The following RUNDC3B variants were observed in gnomAD, a reference collection of about 807,000 sequenced individuals.
RUNDC3B encodes the protein RUN domain-containing protein 3B.
RUNDC3B carries 33 observed loss-of-function variants against 58.4 expected under a neutral mutation model. That is an observed-to-expected ratio of 0.56 (90% CI 0.43 to 0.75). RUNDC3B has a LOEUF of 0.75. Ranked by LOEUF, RUNDC3B falls within the 30% of genes least tolerant of loss-of-function variation. RUNDC3B has a pLI of 0.00. For synonymous variants in RUNDC3B, 193 were observed against 195.2 expected, an observed-to-expected ratio of 0.99 and a Z score of 0.10; for missense variants, 501 against 535.7, an observed-to-expected ratio of 0.94 and a Z score of 0.64.
At chr7:87,791,504 A>C (rs191274224) in intron 8 of RUNDC3B, among the ~76,000 whole-genome samples, 1 of 152,310 alleles carries the variant, frequency 6.6e-6, no homozygotes, top group African/African-American at 2.4e-5. Context: ...ATAAAAAATA[A>C]CTACAAGAAT....
intron 4 of RUNDC3B, among the ~76,000 whole-genome samples, chr7:87,733,411 T>C (rs1471163316): frequency 6.6e-6 from 1 of 152,060 alleles, no homozygotes; most frequent in African/African-American, 2.4e-5. Flanking sequence ...TTTCAAGGGG[T>C]CTCCCTGCAA....
intron 2 of RUNDC3B, among the ~76,000 whole-genome samples, chr7:87,665,106 A>G (rs923051859): frequency 3.3e-5 from 5 of 152,150 alleles, no homozygotes; most frequent in African/African-American, 4.8e-5. Flanking sequence ...TAGAGCAATT[A>G]TGCAAGAAAA....
intron 8 of RUNDC3B, among the ~76,000 whole-genome samples, chr7:87,787,822 A>G (rs1835303110): frequency 6.6e-6 from 1 of 152,216 alleles, no homozygotes; most frequent in Non-Finnish European, 1.5e-5. Context: ...CTCCTTTATA[A>G]ATTCACTCAG....
At chr7:87,812,297 A>G (rs761050263) in intron 9 of RUNDC3B, among the ~76,000 whole-genome samples, 5 of 152,174 alleles carry the variant, frequency 3.3e-5, no homozygotes, top group Non-Finnish European at 7.4e-5. Context: ...CATAATTCCT[A>G]CAAGTTTAAT....
chr7:87,705,766 G>C (rs1453674900), intron 3 of RUNDC3B, among the ~76,000 whole-genome samples: 1 of 151,840 alleles, frequency 6.6e-6, no homozygotes, highest in Non-Finnish European at 1.5e-5. Context: ...TCTGCTCTTG[G>C]GTCATATGCT....
At chr7:87,825,958 G>A (rs1159539630) in intron 10 of RUNDC3B, among the ~76,000 whole-genome samples, 1 of 152,150 alleles carries the variant, frequency 6.6e-6, no homozygotes, top group Non-Finnish European at 1.5e-5. Context: ...ACTTGCTTTT[G>A]ATTTATAGGC....
intron 6 of RUNDC3B, among the ~76,000 whole-genome samples, chr7:87,764,990 A>G (rs543441676): frequency 6.6e-6 from 1 of 151,244 alleles, no homozygotes; most frequent in East Asian, 1.9e-4. Flanking sequence ...ATTACTTTTT[A>G]TTGGTCTGTT....
intron 4 of RUNDC3B, among the ~76,000 whole-genome samples, chr7:87,714,890 G>C (rs28381710): frequency 6.6e-6 from 1 of 151,964 alleles, no homozygotes; most frequent in South Asian, 2.1e-4. Flanking sequence ...CTGACCGCAC[G>C]TCCATTCATA....
intron 3 of RUNDC3B, among the ~76,000 whole-genome samples, chr7:87,702,841 C>T (rs945011129): frequency 1.3e-5 from 2 of 152,000 alleles, no homozygotes; most frequent in Non-Finnish European, 2.9e-5. Flanking sequence ...TGCAAATATT[C>T]CAAAATCAGA....
intron 2 of RUNDC3B, among the ~76,000 whole-genome samples, chr7:87,675,818 T>C (rs1474237940): frequency 1.3e-5 from 2 of 151,816 alleles, no homozygotes; most frequent in East Asian, 3.9e-4. Context: ...AAAGAAAATA[T>C]AGGGGAAAAG....
intron 4 of RUNDC3B, among the ~76,000 whole-genome samples, chr7:87,723,513 C>CAA (rs1831027902): frequency 6.6e-6 from 1 of 152,066 alleles, no homozygotes; most frequent in South Asian, 2.1e-4. Flanking sequence ...TGTTCACAGC[C>CAA]TACAGAAAAA....
At chr7:87,677,849 GT>G (rs1826536190) in intron 2 of RUNDC3B, among the ~76,000 whole-genome samples, 1 of 152,154 alleles carries the variant, frequency 6.6e-6, no homozygotes, top group African/African-American at 2.4e-5. Flanking sequence ...TGAATGCAGG[GT>G]TTTCAACAGG....
chr7:87,633,080 A>G (rs1052312441), intron 1 of RUNDC3B, among the ~76,000 whole-genome samples: 1 of 152,210 alleles, frequency 6.6e-6, no homozygotes, highest in Non-Finnish European at 1.5e-5. Flanking sequence ...TCAGAACTTG[A>G]ATATTATTTC....
chr7:87,642,082 T>G (rs1046224686), intron 1 of RUNDC3B, among the ~76,000 whole-genome samples: 19 of 151,822 alleles, frequency 1.3e-4, no homozygotes, highest in African/African-American at 4.6e-4. Context: ...TCACTAATAA[T>G]GGAAATTTTA....
At chr7:87,720,604 T>C (rs1830825912) in intron 4 of RUNDC3B, among the ~76,000 whole-genome samples, 1 of 151,446 alleles carries the variant, frequency 6.6e-6, no homozygotes, top group South Asian at 2.1e-4. Flanking sequence ...TCTTTTTTTT[T>C]TTCTTTTCTT....
intron 2 of RUNDC3B, among the ~76,000 whole-genome samples, chr7:87,666,519 T>C (rs1038943274): frequency 3.0e-4 from 45 of 152,304 alleles, no homozygotes; most frequent in South Asian, 2.1e-4. Flanking sequence ...AATTTTTAAT[T>C]TTGTTGCAAT....
intron 6 of RUNDC3B, among the ~76,000 whole-genome samples, chr7:87,761,452 A>T (rs1833677832): frequency 6.6e-6 from 1 of 151,970 alleles, no homozygotes. Context: ...ATGATTCTGA[A>T]ATTCTTCTCC....
rs912975977 is a variant in RUNDC3B, at chr7:87,628,450, G to A, written c.-374G>A. On this transcript the variant is annotated 5_prime_UTR_variant, in exon 1 of 11. Coordinates refer to ENST00000394654, the MANE Select transcript of RUNDC3B (RefSeq NM_001134405.2). ...GTGGCTGCGGAGTGTGGGTGGTTGG[G>A]CGTGAGGGGCCGACGGGCTCGCGCG... 5.8e-6 allele frequency: 1 copy of A among 172,322 alleles called. No homozygotes were observed. Among genetic ancestry groups the A allele is most frequent in the African/African-American group, 2.4e-5 (1 of 42,250 alleles). 10.7% of individuals were successfully genotyped at this position (172,322 alleles called of 1,614,324 possible). A position where few individuals can be genotyped will look rare whatever the true frequency, so the allele number is the denominator to read the frequency against.
chr7:87,777,475 A>T (rs1280724855), intron 7 of RUNDC3B, among the ~76,000 whole-genome samples: 2 of 152,218 alleles, frequency 1.3e-5, no homozygotes, highest in South Asian at 4.1e-4. Context: ...GCAACTTTCT[A>T]ATTGGTCATT....
Sources: gnomAD v4.1 joint callset for allele counts (sites outside exome capture counted in the v4.1 genomes callset) on GRCh38, gnomAD v4.1.1 for gene constraint, MANE v1.5 for transcripts, NCBI Gene and HGNC (gene_info 2026-07-23, HGNC 2026-07-21) for gene names.